The following PLEKHS1 variants were observed in gnomAD, a reference collection of about 807,000 sequenced individuals.
PLEKHS1 encodes the protein pleckstrin homology domain-containing family S member 1.
PLEKHS1 carries 55 observed loss-of-function variants against 51.0 expected under a neutral mutation model. The observed-to-expected ratio is 1.08, with a 90% CI of 0.87 to 1.35. The LOEUF (loss-of-function observed/expected upper bound fraction) is 1.35, where lower values mean the gene tolerates loss of function less well. Ranked by LOEUF, PLEKHS1 falls within the 40% of genes most tolerant of loss-of-function variation. PLEKHS1 has a pLI of 0.00. For missense variants in PLEKHS1, 398 were observed against 423.0 expected, an observed-to-expected ratio of 0.94 and a Z score of 0.52; for synonymous variants, 153 against 144.8, an observed-to-expected ratio of 1.06 and a Z score of -0.41.
At chr10:113,774,444 A>T in intron 9 of PLEKHS1, 111 bp downstream of exon 9, 1 of 654,532 alleles carries the variant, frequency 1.5e-6, no homozygotes, top group East Asian at 2.8e-5. Context: ...ATTACCAGAG[A>T]CCAGTTTCCA....
intron 11 of PLEKHS1, chr10:113,777,828 A>G: frequency 7.3e-7 from 1 of 1,375,428 alleles, no homozygotes; most frequent in Non-Finnish European, 9.5e-7. Flanking sequence ...TGCAAGAATT[A>G]AACATAATAT....
At chr10:113,759,228 G>GC (rs753325784) in intron 2 of PLEKHS1, among the ~76,000 whole-genome samples, 166 of 152,122 alleles carry the variant, frequency 1.1e-3, no homozygotes, top group Non-Finnish European at 2.1e-3. Context: ...ACATGGTGAA[G>GC]CCCCATCTCT....
intron 6 of PLEKHS1, among the ~76,000 whole-genome samples, chr10:113,769,294 C>G (rs1238258437): frequency 1.3e-5 from 2 of 151,542 alleles, no homozygotes; most frequent in Non-Finnish European, 2.9e-5. Flanking sequence ...CTTTCATGTA[C>G]ATGCTTAGCA....
At chr10:113,774,438 C>A (rs1844557430) in intron 9 of PLEKHS1, 105 bp downstream of exon 9, 1 of 689,020 alleles carries the variant, frequency 1.5e-6, no homozygotes, top group Non-Finnish European at 2.4e-6. Context: ...CCAAACATTA[C>A]CAGAGACCAG....
intron 11 of PLEKHS1, among the ~76,000 whole-genome samples, chr10:113,779,339 G>T (rs1267279350): frequency 6.6e-6 from 1 of 152,130 alleles, no homozygotes; most frequent in Non-Finnish European, 1.5e-5. Context: ...GGGAGGCGGA[G>T]GTGGGCAGAT....
chr10:113,778,467 A>G (rs1277382288), intron 11 of PLEKHS1, among the ~76,000 whole-genome samples: 1 of 152,158 alleles, frequency 6.6e-6, no homozygotes, highest in Admixed American at 6.5e-5. Flanking sequence ...TAGCATATCT[A>G]TATTAAGAAC....
intron 8 of PLEKHS1, among the ~76,000 whole-genome samples, chr10:113,773,698 G>A (rs1046242407): frequency 2.0e-5 from 3 of 152,138 alleles, no homozygotes; most frequent in African/African-American, 2.4e-5. Context: ...ACTTAGGTAG[G>A]CCTTAGGGTT....
Position 113,771,893 on chromosome 10 carries a change from G to A in PLEKHS1, c.553-77G>A, listed in dbSNP as rs926902960. ...TTTTTTAACCCAACTAATTTATTAC[G>A]GCTTTTCTAGAATGCATGTGATTTA... On this transcript the variant is annotated intron_variant, in intron 7 of 11. Coordinates refer to ENST00000361048, the Ensembl canonical transcript of PLEKHS1. 2.9e-5 allele frequency: 44 copies of A among 1,511,832 alleles called. No individual in the cohort carries two copies. In the Admixed American group the frequency reaches 3.1e-4, roughly 11 times the overall value. The allele number at this position is 1,511,832 out of a possible 1,614,324, so 93.7% of individuals were successfully genotyped here.
exon 12 of PLEKHS1, chr10:113,780,693 C>T: frequency 6.2e-7 from 1 of 1,613,028 alleles, no homozygotes. Context: ...AGTGCTGCAC[C>T]TTCTCAGCTG....
chr10:113,766,607 T>C lies in PLEKHS1; in HGVS notation c.118-5T>C, dbSNP rs770671858. On this transcript the variant is annotated splice_polypyrimidine_tract_variant and splice_region_variant and intron_variant, in intron 3 of 11. Transcript: ENST00000361048. Reference sequence around the variant, plus strand: ...ACTAAGACATAAAATCTTTTTATTTTTCAGACCTCTTGGAAAAAGCGGTTT... The same window carrying C: ...ACTAAGACATAAAATCTTTTTATTTCTCAGACCTCTTGGAAAAAGCGGTTT... 6 of 1,604,166 alleles carry C rather than the reference T, an allele frequency of 3.7e-6. No homozygotes were observed. The highest frequency in any genetic ancestry group is 3.4e-6 in the Non-Finnish European group (4 of 1,177,022).
At chr10:113,777,673 T>G in intron 11 of PLEKHS1, 1 of 1,526,006 alleles carries the variant, frequency 6.6e-7, no homozygotes, top group South Asian at 1.2e-5. Flanking sequence ...CAAAGGTGAC[T>G]GGCACATATT....
chr10:113,766,407 T>A lies in PLEKHS1; in HGVS notation c.29-4T>A, dbSNP rs1173899561. The A allele has an allele frequency of 6.5e-7, 1 of 1,533,186 alleles. No individual in the cohort carries two copies. The highest frequency in any genetic ancestry group is 2.2e-5 in the East Asian group (1 of 44,566). The allele number at this position is 1,533,186 out of a possible 1,614,324, so 95.0% of individuals were successfully genotyped here. A position where few individuals can be genotyped will look rare whatever the true frequency, so the allele number is the denominator to read the frequency against. On this transcript the variant is annotated splice_polypyrimidine_tract_variant and splice_region_variant and intron_variant, in intron 2 of 11. Coordinates refer to ENST00000361048, the Ensembl canonical transcript of PLEKHS1. ...ACAAACTGAGTTCTGTTCACTTTTA[T>A]TAGGCAAACAATTTACATTTTCTTA...
chr10:113,765,791 C>T (rs2134513611), intron 2 of PLEKHS1, among the ~76,000 whole-genome samples: 1 of 152,308 alleles, frequency 6.6e-6, no homozygotes, highest in Admixed American at 6.5e-5. Flanking sequence ...TTTGCTTTCA[C>T]ATCCAGGCTA....
At chr10:113,759,082 A>G (rs116065328) in intron 2 of PLEKHS1, among the ~76,000 whole-genome samples, 117 of 152,204 alleles carry the variant, frequency 7.7e-4, no homozygotes, top group African/African-American at 2.7e-3. Flanking sequence ...CCTGTATTTG[A>G]TATGTGTGAC....
chr10:113,752,031 AG>A lies in PLEKHS1; in HGVS notation c.-20+271del, dbSNP rs200119001. ...GACTGTGGGGAGATTCTCCTGAATG[AG>A]ATCAAACAGCTAAATCAGAAAGGCT... On this transcript the variant is annotated intron_variant, in intron 1 of 11. Coordinates refer to ENST00000361048, the Ensembl canonical transcript of PLEKHS1. Among the ~76,000 whole-genome samples the A allele has an allele frequency of 4.3e-3, 654 of 152,296 alleles. 7 individuals are homozygous for A. Among genetic ancestry groups the A allele is most frequent in the African/African-American group, 0.015 (628 of 41,550 alleles).
At chr10:113,775,168 T>A (rs1303193337) in intron 10 of PLEKHS1, 133 bp downstream of exon 10, 3 of 779,458 alleles carry the variant, frequency 3.8e-6, no homozygotes, top group Non-Finnish European at 6.0e-6. Context: ...AACTTGACCA[T>A]CTTCTCCCTG....
chr10:113,754,789 T>C (rs996711292), intron 1 of PLEKHS1, among the ~76,000 whole-genome samples: 3 of 152,154 alleles, frequency 2.0e-5, no homozygotes, highest in Admixed American at 2.0e-4. Flanking sequence ...TGGCGGTCCT[T>C]GTTCTTAAGT....
intron 2 of PLEKHS1, among the ~76,000 whole-genome samples, chr10:113,756,913 C>CTTTTTTTTTTTTTTTTTTTTTTTTTTTT (rs397845343): frequency 9.1e-6 from 1 of 109,894 alleles, no homozygotes. Flanking sequence ...TTAGATTGGT[C>CTTTTTTTTTTTTTTTTTTTTTTTTTTTT]TTTTTTTTTT....
rs74566892 is a variant in PLEKHS1 at position 113,762,751 on chromosome 10, T to C, written c.29-3660T>C. Reference sequence around the variant, plus strand: ...CAGAATACATCTATATTAATAAATGTTGCATGTGCCCTTGAGAAGAATGTA... The same window carrying C: ...CAGAATACATCTATATTAATAAATGCTGCATGTGCCCTTGAGAAGAATGTA... On this transcript the variant is annotated intron_variant, in intron 2 of 11. Transcript: ENST00000361048. Among the ~76,000 whole-genome samples the C allele has an allele frequency of 8.3e-4, 127 of 152,126 alleles. 3 individuals carry two copies. In the East Asian group the frequency reaches 0.022, roughly 27 times the overall value.
Sources: allele counts gnomAD v4.1 joint callset (sites outside exome capture counted in the v4.1 genomes callset), GRCh38; gene constraint gnomAD v4.1.1; transcripts MANE v1.5; gene names NCBI Gene and HGNC (gene_info 2026-07-23, HGNC 2026-07-21).